Variants in CDH13 observed in about 807,000 individuals in gnomAD.
CDH13 encodes cadherin-13.
A neutral mutation model predicts 63.8 loss-of-function variants in CDH13; 24 were observed. That is an observed-to-expected ratio of 0.38 (90% CI 0.27 to 0.53). The LOEUF (loss-of-function observed/expected upper bound fraction) is 0.53. Ranked by LOEUF, CDH13 falls within the 20% of genes least tolerant of loss-of-function variation. The probability of loss-of-function intolerance (pLI) is 0.85; values close to 1 mark genes in which losing one functional copy is unlikely to be tolerated. For synonymous variants in CDH13, 503 were observed against 355.3 expected (o/e 1.42, Z -4.67); for missense variants, 1,049 against 903.1 (o/e 1.16, Z -2.07).
chr16:82,793,315 G>T (rs2036411787), intron 1 of CDH13, among the ~76,000 whole-genome samples: 1 of 151,990 alleles, frequency 6.6e-6, no homozygotes, highest in African/African-American at 2.4e-5. Flanking sequence ...ATAAAAAGCA[G>T]TAGCAAAGGG....
chr16:83,225,316 C>G (rs2039808061), intron 5 of CDH13, among the ~76,000 whole-genome samples: 1 of 152,206 alleles, frequency 6.6e-6, no homozygotes, highest in Non-Finnish European at 1.5e-5. Context: ...GTGCTTATTT[C>G]TCCTGGTGCT....
At chr16:83,730,069 T>A (rs1188440550) in intron 10 of CDH13, among the ~76,000 whole-genome samples, 1 of 152,248 alleles carries the variant, frequency 6.6e-6, no homozygotes, top group Admixed American at 6.5e-5. Context: ...TGTGTTGTCA[T>A]CTTGTCATGC....
chr16:82,730,193 C>T (rs1347438114), intron 1 of CDH13, among the ~76,000 whole-genome samples: 1 of 152,186 alleles, frequency 6.6e-6, no homozygotes, highest in Non-Finnish European at 1.5e-5. Flanking sequence ...CTTTTGCATT[C>T]ACAACTTGGT....
At chr16:83,550,579 G>T (rs2075472126) in intron 7 of CDH13, among the ~76,000 whole-genome samples, 2 of 152,220 alleles carry the variant, frequency 1.3e-5, no homozygotes, top group Non-Finnish European at 2.9e-5. Context: ...CATGGTGGGG[G>T]ATTCCTGCTG....
chr16:82,636,351 A>C (rs986617783), intron 1 of CDH13, among the ~76,000 whole-genome samples: 1 of 152,098 alleles, frequency 6.6e-6, no homozygotes, highest in Admixed American at 6.6e-5. Context: ...CCTGCATTAC[A>C]GTATTGCCAG....
rs928272887 is a variant in CDH13 at position 83,046,814 on chromosome 16, C to G, written c.366+14596C>G. Among the ~76,000 whole-genome samples, 6 of 152,162 alleles carry G rather than the reference C, an allele frequency of 3.9e-5. 1 individual carries two copies. In the South Asian group the frequency reaches 1.0e-3, roughly 26 times the overall value. ...CTGACCCTGGTGCCACCCTTCCTCT[C>G]CAACCTTGTTACAAACAATTCAGAA... On this transcript the variant is annotated intron_variant, in intron 3 of 13. Coordinates refer to ENST00000567109, the MANE Select transcript of CDH13 (RefSeq NM_001257.5).
chr16:83,631,104 G>C (rs984892127), intron 8 of CDH13, among the ~76,000 whole-genome samples: 2 of 152,204 alleles, frequency 1.3e-5, no homozygotes, highest in Non-Finnish European at 2.9e-5. Context: ...TTGCTGGCAT[G>C]GTTCTAGTGA....
chr16:83,723,563 C>T (rs1207207885), intron 10 of CDH13, among the ~76,000 whole-genome samples: 1 of 152,190 alleles, frequency 6.6e-6, no homozygotes, highest in African/African-American at 2.4e-5. Flanking sequence ...GCAAGGCTTT[C>T]CCTGATCACC....
chr16:83,259,635 T>A (rs1299101635), intron 5 of CDH13, among the ~76,000 whole-genome samples: 3 of 152,140 alleles, frequency 2.0e-5, no homozygotes, highest in Non-Finnish European at 1.5e-5. Flanking sequence ...GACTTCTCAG[T>A]CTCAAATTTT....
At chr16:83,316,517 G>A (rs2090108834) in intron 5 of CDH13, among the ~76,000 whole-genome samples, 1 of 152,150 alleles carries the variant, frequency 6.6e-6, no homozygotes, top group Non-Finnish European at 1.5e-5. Context: ...CAGAAGTGGG[G>A]CAAATGTAGG....
intron 1 of CDH13, among the ~76,000 whole-genome samples, chr16:82,720,217 C>T (rs886411973): frequency 1.3e-5 from 2 of 151,984 alleles, no homozygotes; most frequent in South Asian, 2.1e-4. Flanking sequence ...GTTTGCAAAG[C>T]GAAAATTGTC....
chr16:82,728,511 G>C (rs2033223521), intron 1 of CDH13, among the ~76,000 whole-genome samples: 1 of 152,048 alleles, frequency 6.6e-6, no homozygotes, highest in Non-Finnish European at 1.5e-5. Context: ...TATTAAGTTT[G>C]AAATAGTATT....
intron 1 of CDH13, among the ~76,000 whole-genome samples, chr16:82,663,238 G>T (rs920348835): frequency 6.6e-6 from 1 of 152,184 alleles, no homozygotes; most frequent in Non-Finnish European, 1.5e-5. Context: ...CCTGGCTGGA[G>T]TGCAATGGCG....
At chr16:83,628,134 G>C (rs1221262373) in intron 8 of CDH13, among the ~76,000 whole-genome samples, 1 of 152,220 alleles carries the variant, frequency 6.6e-6, no homozygotes, top group African/African-American at 2.4e-5. Context: ...TGTATCCTGT[G>C]CCAACCTCCC....
At chr16:82,740,569 T>C (rs2033882787) in intron 1 of CDH13, among the ~76,000 whole-genome samples, 1 of 152,168 alleles carries the variant, frequency 6.6e-6, no homozygotes, top group African/African-American at 2.4e-5. Flanking sequence ...AGGGGTTGGC[T>C]GATCTAGGCT....
intron 1 of CDH13, among the ~76,000 whole-genome samples, chr16:82,682,263 C>T (rs139196645): frequency 0.011 from 1,696 of 152,216 alleles, 24 homozygotes; most frequent in African/African-American, 0.034. Context: ...CAGGCCCCAC[C>T]CATCAACATG....
chr16:83,481,206 C>G (rs2073752532), intron 6 of CDH13, among the ~76,000 whole-genome samples: 1 of 152,200 alleles, frequency 6.6e-6, no homozygotes, highest in Admixed American at 6.5e-5. Context: ...ACTGTGCTAT[C>G]AGAAATCCAG....
intron 3 of CDH13, among the ~76,000 whole-genome samples, chr16:83,112,483 G>T (rs1018426736): frequency 6.6e-6 from 1 of 152,150 alleles, no homozygotes; most frequent in Non-Finnish European, 1.5e-5. Flanking sequence ...CTATTTGGAG[G>T]GCTTAATGTG....
At chr16:83,741,273 T>G (rs1912032587) in intron 10 of CDH13, among the ~76,000 whole-genome samples, 1 of 152,172 alleles carries the variant, frequency 6.6e-6, no homozygotes, top group Non-Finnish European at 1.5e-5. Context: ...CTCTTTCTGG[T>G]TCTGCTTTTA....
Sources: gnomAD v4.1 joint callset for allele counts (sites outside exome capture counted in the v4.1 genomes callset) on GRCh38, gnomAD v4.1.1 for gene constraint, MANE v1.5 for transcripts, NCBI Gene and HGNC (gene_info 2026-07-23, HGNC 2026-07-21) for gene names.